The following NFIB variants were observed in gnomAD, a reference collection of about 807,000 sequenced individuals.
NFIB encodes nuclear factor 1 B-type.
In NFIB, 11 loss-of-function variants were observed where a neutral mutation model predicts 61.5. The observed-to-expected ratio is 0.18, with a 90% confidence interval of 0.11 to 0.30. The LOEUF is 0.30. Among genes scored for constraint, NFIB ranks in the 10% least tolerant of loss-of-function variants. NFIB has a pLI of 1.00. For missense variants in NFIB, 471 were observed against 608.9 expected (o/e 0.77, Z 2.38); for synonymous variants, 260 against 216.5 (o/e 1.20, Z -1.76).
At chr9:14,113,166 G>C in intron 9 of NFIB, 85 bp from the exon 10 acceptor site, 1 of 1,234,930 alleles carries the variant, frequency 8.1e-7, no homozygotes. Flanking sequence ...ACCCAGAGAA[G>C]TGGGATTTGC....
chr9:14,315,768 T>A (rs1050685002), upstream of NFIB, among the ~76,000 whole-genome samples: 17 of 150,706 alleles, frequency 1.1e-4, 1 homozygote, highest in African/African-American at 3.9e-4. Context: ...GCCCCCCAAA[T>A]CCAGTTTTCT....
chr9:14,524,084 C>T, the NFIB span, among the ~76,000 whole-genome samples: 3,560 of 152,172 alleles, frequency 0.023, 128 homozygotes, highest in African/African-American at 0.079. Flanking sequence ...GGGATAGCAG[C>T]AGTCTTGATG....
chr9:14,116,300 G>A lies in NFIB; in HGVS notation c.1292C>T (p.Thr431Ile). 2 of 1,539,070 alleles carry A rather than the reference G, an allele frequency of 1.3e-6. No individual in the cohort carries two copies. The highest frequency in any genetic ancestry group is 2.4e-5 in the South Asian group (2 of 81,740). The change falls in exon 9 of 11, where the codon ACT (threonine) becomes ATT (isoleucine). Residue 431 changes from threonine (T) to isoleucine (I), a missense_variant. Physicochemically the swap from Thr to Ile is moderately conservative, Grantham distance 89. Around this residue, in one of 2 missense-constraint regions of NFIB, gnomAD observed 372 missense variants for 395.6 expected, o/e 0.94. Coordinates refer to ENST00000380953, the MANE Select transcript of NFIB (RefSeq NM_001190737.2). ...QVVGKVPGHF[T>I]PVLAPSPHPS... ...ATGGGGAGAGGGTGCCAAGACAGGAGTGAAATGGCCAGGCACTTTCCCTAC... is the reference window on the plus strand; with the variant it reads ...ATGGGGAGAGGGTGCCAAGACAGGAATGAAATGGCCAGGCACTTTCCCTAC...
intron 4 of NFIB, among the ~76,000 whole-genome samples, chr9:14,152,153 T>C (rs914092590): frequency 2.5e-4 from 38 of 152,106 alleles, no homozygotes; most frequent in African/African-American, 9.2e-4. Context: ...AATACATCAG[T>C]ATATACATGA....
chr9:14,102,594 C>G (rs756903543), intron 10 of NFIB: 92 of 869,002 alleles, frequency 1.1e-4, no homozygotes, highest in Non-Finnish European at 1.4e-4. Context: ...CAAACTAGTA[C>G]TGTACATGGC....
intron 2 of NFIB, among the ~76,000 whole-genome samples, chr9:14,229,115 A>T (rs1035718433): frequency 2.0e-5 from 3 of 152,154 alleles, no homozygotes; most frequent in African/African-American, 7.2e-5. Flanking sequence ...AATCAACTAC[A>T]TACGATTTCA....
chr9:14,208,343 C>A (rs894801718), intron 2 of NFIB, among the ~76,000 whole-genome samples: 3 of 151,802 alleles, frequency 2.0e-5, no homozygotes, highest in Admixed American at 1.3e-4. Flanking sequence ...TTAAATTGTA[C>A]TAAAAAAGAA....
chr9:14,184,656 C>CA (rs2047147447), intron 2 of NFIB, among the ~76,000 whole-genome samples: 1 of 152,156 alleles, frequency 6.6e-6, no homozygotes, highest in African/African-American at 2.4e-5. Flanking sequence ...AGATACACTG[C>CA]AACTATCTGA....
At chr9:14,286,758 G>A (rs2058732679) in intron 2 of NFIB, among the ~76,000 whole-genome samples, 1 of 151,280 alleles carries the variant, frequency 6.6e-6, no homozygotes, top group African/African-American at 2.5e-5. Flanking sequence ...TACATAGTAG[G>A]TGCTCAGTGA....
chr9:14,344,411 AG>A (rs71321981), intron 1 of NFIB, among the ~76,000 whole-genome samples: 8 of 145,948 alleles, frequency 5.5e-5, no homozygotes, highest in South Asian at 2.4e-4. Context: ...TTGTCTCAGA[AG>A]GGGGGGGTAG....
chr9:14,285,711 T>A (rs994593746), intron 2 of NFIB, among the ~76,000 whole-genome samples: 1 of 152,136 alleles, frequency 6.6e-6, no homozygotes, highest in East Asian at 1.9e-4. Flanking sequence ...ACAGGTGACT[T>A]TGCAAACAAT....
intron 1 of NFIB, among the ~76,000 whole-genome samples, chr9:14,324,887 G>C (rs376018744): frequency 6.6e-6 from 1 of 152,042 alleles, no homozygotes; most frequent in African/African-American, 2.4e-5. Flanking sequence ...TTATAAAATA[G>C]GGAGACTGAT....
At chr9:14,325,732 C>T (rs1019749195) in intron 1 of NFIB, among the ~76,000 whole-genome samples, 13 of 151,794 alleles carry the variant, frequency 8.6e-5, no homozygotes, top group Non-Finnish European at 1.9e-4. Flanking sequence ...AGAATTTGTG[C>T]AAATTTAAAG....
At chr9:14,522,343 G>C in the NFIB span, among the ~76,000 whole-genome samples, 1 of 152,186 alleles carries the variant, frequency 6.6e-6, no homozygotes, top group Non-Finnish European at 1.5e-5. Context: ...CATGTGGTTT[G>C]TATTATGTGG....
Position 14,393,552 on chromosome 9 carries a change from G to C in NFIB, c.108+4972C>G, listed in dbSNP as rs531026105. Among the ~76,000 whole-genome samples the C allele has an allele frequency of 6.2e-4, 95 of 152,212 alleles. 1 individual carries two copies. The highest frequency in any genetic ancestry group is 6.8e-3 in the Middle Eastern group (2 of 294). On this transcript the variant is annotated intron_variant, in intron 1 of 8. Transcript: ENST00000380934. ...GCTAAAGCCAACTCTGCTGTACCTGGTAACCTTTTCCACATTTAGCTCTGA... is the reference window on the plus strand; with the variant it reads ...GCTAAAGCCAACTCTGCTGTACCTGCTAACCTTTTCCACATTTAGCTCTGA...
At chr9:14,213,250 A>T (rs191408324) in intron 2 of NFIB, among the ~76,000 whole-genome samples, 4 of 152,318 alleles carry the variant, frequency 2.6e-5, no homozygotes, top group Middle Eastern at 3.4e-3. Context: ...CAGTAGGTTG[A>T]TCTTTGGAAA....
intron 5 of NFIB, among the ~76,000 whole-genome samples, 164 bp from the exon 6 acceptor site, chr9:14,146,971 T>C (rs1262066544): frequency 6.6e-6 from 1 of 152,098 alleles, no homozygotes; most frequent in African/African-American, 2.4e-5. Flanking sequence ...TAATAGCAAA[T>C]ATTTCTAGTT....
chr9:14,463,724 A>ATG, the NFIB span, among the ~76,000 whole-genome samples: 6 of 126,608 alleles, frequency 4.7e-5, no homozygotes, highest in African/African-American at 1.2e-4. Context: ...GCAGTGGCGC[A>ATG]ATCTCGGCTC....
At chr9:14,140,200 G>A (rs1395773043) in intron 6 of NFIB, among the ~76,000 whole-genome samples, 1 of 152,168 alleles carries the variant, frequency 6.6e-6, no homozygotes, top group African/African-American at 2.4e-5. Context: ...ACTTCTTCCA[G>A]TATGGTTACT....
Sources: gnomAD v4.1 joint callset for allele counts (sites outside exome capture counted in the v4.1 genomes callset) on GRCh38, gnomAD v4.1.1 for gene constraint, gnomAD v4.1.1 regional missense constraint, MANE v1.5 for transcripts, NCBI Gene and HGNC (gene_info 2026-07-23, HGNC 2026-07-21) for gene names.